The following ATM variants were observed in gnomAD, a reference collection of about 807,000 sequenced individuals.
ATM encodes the protein serine-protein kinase ATM.
Under a neutral mutation model 387.0 loss-of-function variants are expected in ATM, and 308 were observed. The ratio of observed to expected loss-of-function variants is 0.80; its 90% CI spans 0.73 to 0.87. ATM has a LOEUF of 0.87. ATM is among the 40% of genes least tolerant of loss of function. The probability of loss-of-function intolerance (pLI) is 0.00; values close to 1 mark genes in which losing one functional copy is unlikely to be tolerated. For missense variants in ATM, 3,312 were observed against 3,560.9 expected (o/e 0.93, Z 1.78); for synonymous variants, 1,156 against 1,187.3 (o/e 0.97, Z 0.54).
rs567666534 is a variant in ATM, at chr11:108,354,199, A to G, written c.8786+319A>G. ...AAGGAAAAGACCCTGGGTAAAAGCA[A>G]TAATAGTTCCTCTTCCTTCCACCCA... is the stretch of plus-strand genomic sequence containing the variant. On this transcript the variant is annotated intron_variant, in intron 60 of 62. Transcript: ENST00000675843. 7.2e-5 allele frequency among the ~76,000 whole-genome samples: 11 copies of G among 152,244 alleles called. No individual in the cohort carries two copies. The East Asian group carries it at 7.7e-4, about 11-fold the overall frequency.
Position 108,289,795 on chromosome 11 carries a change from A to G in ATM, c.4430A>G (p.Asn1477Ser). The G allele has an allele frequency of 6.2e-7, 1 of 1,612,256 alleles. No homozygotes were observed. Among genetic ancestry groups the G allele is most frequent in the Non-Finnish European group, 8.5e-7 (1 of 1,179,398 alleles). The change falls in exon 29 of 63, where the codon AAC (asparagine) becomes AGC (serine). Residue 1477 changes from asparagine to serine, a missense_variant. Around this residue, in one of 4 missense-constraint regions of ATM, gnomAD observed 1,791 missense variants for 1,804.5 expected, o/e 0.99. Coordinates refer to ENST00000675843, the MANE Select transcript of ATM (RefSeq NM_000051.4). ...ATTTATACTTTGATTCACTATATCAACCAAAGGTAAATAACATATTTAGAC... is the reference window on the plus strand; with the variant it reads ...ATTTATACTTTGATTCACTATATCAGCCAAAGGTAAATAACATATTTAGAC... Reference protein sequence around the residue: ...DVIYTLIHYINQRPSCIMDVS... With the variant: ...DVIYTLIHYISQRPSCIMDVS...
chr11:108,264,115 T>C (rs1197559862), intron 16 of ATM, among the ~76,000 whole-genome samples: 1 of 151,814 alleles, frequency 6.6e-6, no homozygotes, highest in East Asian at 1.9e-4. Context: ...GAGGGAATCC[T>C]CCCTAACTCA....
chr11:108,258,403 A>C (rs2080641799), intron 15 of ATM, among the ~76,000 whole-genome samples: 1 of 152,188 alleles, frequency 6.6e-6, no homozygotes, highest in African/African-American at 2.4e-5. Flanking sequence ...TTTAATAAAA[A>C]TTTTTTGACC....
chr11:108,287,569 T>G (rs2082555310), intron 26 of ATM, 31 bp from the exon 27 acceptor site: 1 of 1,396,974 alleles, frequency 7.2e-7, no homozygotes, highest in East Asian at 2.4e-5. Context: ...ATATAAAATA[T>G]TAAATATATT....
intron 55 of ATM, among the ~76,000 whole-genome samples, chr11:108,335,526 C>G (rs866903935): frequency 1.3e-5 from 2 of 152,158 alleles, no homozygotes; most frequent in Non-Finnish European, 2.9e-5. Context: ...CATTTGCTGA[C>G]GAGCTCTTTG....
chr11:108,357,226 G>A (rs958663268), intron 61 of ATM, among the ~76,000 whole-genome samples: 2 of 151,642 alleles, frequency 1.3e-5, no homozygotes, highest in Non-Finnish European at 2.9e-5. Flanking sequence ...CGAATATTGC[G>A]CTTTTTGGAC....
At chr11:108,292,209 C>G (rs1011013790) in intron 29 of ATM, among the ~76,000 whole-genome samples, 1 of 152,126 alleles carries the variant, frequency 6.6e-6, no homozygotes, top group South Asian at 2.1e-4. Flanking sequence ...TGTCTCACAC[C>G]GAGGATATAG....
chr11:108,266,679 G>A (rs1245470369), intron 16 of ATM, among the ~76,000 whole-genome samples: 6 of 151,838 alleles, frequency 4.0e-5, no homozygotes. Flanking sequence ...ATTTTGTTAT[G>A]TAGACATATT....
Position 108,315,779 on chromosome 11 carries a change from G to A in ATM, c.6007-44G>A, listed in dbSNP as rs185700860. On this transcript the variant is annotated intron_variant, in intron 40 of 62. Coordinates refer to ENST00000675843, the MANE Select transcript of ATM (RefSeq NM_000051.4). ...TTAAAATTTGCTAAATTTATAGACCGATTTTTTTTCCTTCTTCAATTTTTG... is the reference window on the plus strand; with the variant it reads ...TTAAAATTTGCTAAATTTATAGACCAATTTTTTTTCCTTCTTCAATTTTTG... The A allele has an allele frequency of 5.6e-4, 839 of 1,508,250 alleles. 4 individuals are homozygous for A. In the African/African-American group the frequency reaches 0.01, roughly 18 times the overall value. 93.4% of individuals were successfully genotyped at this position (1,508,250 alleles called of 1,614,324 possible). A position where few individuals can be genotyped will look rare whatever the true frequency, so the allele number is the denominator to read the frequency against.
intron 29 of ATM, chr11:108,290,746 C>T (rs996860468): frequency 6.8e-6 from 1 of 146,442 alleles, no homozygotes; most frequent in Non-Finnish European, 1.5e-5. Flanking sequence ...GGCTTGAGCT[C>T]AAGAGTTTGA....
rs587780626 is a variant in ATM at position 108,297,388 on chromosome 11, CTA to C, written c.5005+7_5005+8del. 2.1e-4 allele frequency: 330 copies of C among 1,608,170 alleles called. 4 individuals carry two copies. In the Middle Eastern group the frequency reaches 2.1e-3, roughly 10 times the overall value. Reference sequence around the variant, plus strand: ...TGGTGAAAAAGAAGTTCTAGGTAAACTACAGTCATGCGCTGCGTGACATTTCA... The same window carrying C: ...TGGTGAAAAAGAAGTTCTAGGTAAACCAGTCATGCGCTGCGTGACATTTCA... On this transcript the variant is annotated splice_region_variant and intron_variant, in intron 33 of 62. Coordinates refer to ENST00000675843, the MANE Select transcript of ATM (RefSeq NM_000051.4).
intron 26 of ATM, among the ~76,000 whole-genome samples, chr11:108,286,067 A>G (rs980403633): frequency 1.3e-5 from 2 of 152,076 alleles, no homozygotes; most frequent in Non-Finnish European, 2.9e-5. Flanking sequence ...TGCGGTGGCT[A>G]ACGCCTGTAA....
Position 108,252,808 on chromosome 11 carries a change from T to C in ATM, c.1803-9T>C, listed in dbSNP as rs2135352230. The C allele has an allele frequency of 6.3e-7, 1 of 1,588,056 alleles. No individual in the cohort carries two copies. Among genetic ancestry groups the C allele is most frequent in the Non-Finnish European group, 8.6e-7 (1 of 1,157,244 alleles). Reference sequence around the variant, plus strand: ...TCTTCTAAGTGAAGCTTTTTGTTTTTCTTTGTAGTAATTTTCCTCATCTTG... The same window carrying C: ...TCTTCTAAGTGAAGCTTTTTGTTTTCCTTTGTAGTAATTTTCCTCATCTTG... On this transcript the variant is annotated splice_polypyrimidine_tract_variant and intron_variant, in intron 11 of 62. Coordinates refer to ENST00000675843, the MANE Select transcript of ATM (RefSeq NM_000051.4).
Position 108,257,482 on chromosome 11 carries a change from C to G in ATM, c.2252C>G (p.Ser751Cys), listed in dbSNP as rs2080573350. ...CATTTTTCCTTCTATTCACAATAGT[C>G]TCTAATGCAATGTGCAGGAGAAAGT... ...YKSELFQKAK[S>C]LMQCAGESIT... The change falls in exon 15 of 63, where the codon TCT becomes TGT. Residue 751 changes from serine to cysteine, a missense_variant and splice_region_variant. This residue lies in a region of ATM where 1,791 missense variants were observed against 1,804.5 expected (regional missense o/e 0.99). Transcript: ENST00000675843. The G allele has an allele frequency of 1.2e-6, 2 of 1,612,586 alleles. No homozygotes were observed. Among genetic ancestry groups the G allele is most frequent in the East Asian group, 4.5e-5 (2 of 44,854 alleles).
intron 16 of ATM, among the ~76,000 whole-genome samples, chr11:108,262,339 A>G (rs947275580): frequency 3.3e-5 from 5 of 151,738 alleles, no homozygotes; most frequent in Admixed American, 2.0e-4. Flanking sequence ...CAACATTCTT[A>G]AAGAAAAGAA....
At position 108,345,885 on chromosome 11, in the gene ATM, G is replaced by T. The variant is rs1060501605; in HGVS notation, c.8561G>T (p.Arg2854Leu). Residue 2854 changes from arginine (R) to leucine (L), a missense_variant, in exon 58 of 63, where the codon CGC becomes CTC. Physicochemically the swap from Arg to Leu is moderately radical, Grantham distance 102 (BLOSUM62 -2). Around this residue, in one of 4 missense-constraint regions of ATM, gnomAD observed 1,405 missense variants for 1,604.4 expected, o/e 0.88. Coordinates refer to ENST00000675843, the MANE Select transcript of ATM (RefSeq NM_000051.4). ...TTTGAGAAGCGATTGGCTTATACGC[G>T]CAGTGTAGCTACTTCTTCTATTGGT... ...IWFEKRLAYT[R>L]SVATSSIVGY... is the part of the protein sequence containing the mutation. 1.9e-6 allele frequency: 3 copies of T among 1,613,546 alleles called. No individual in the cohort carries two copies. The highest frequency in any genetic ancestry group is 3.3e-5 in the Admixed American group (2 of 59,972).
intron 44 of ATM, among the ~76,000 whole-genome samples, chr11:108,320,764 C>T (rs1394621583): frequency 1.3e-5 from 2 of 152,160 alleles, no homozygotes; most frequent in Non-Finnish European, 2.9e-5. Context: ...GCCCCTCCTC[C>T]TCACACATTT....
At position 108,251,088 on chromosome 11, in the gene ATM, A is replaced by G. The variant is rs1057522219; in HGVS notation, c.1607+16A>G. ...GACCTTCATGGTAAGTTCAGCATGCATTATGTCTGACTTACAGATAAACAC... is the reference window on the plus strand; with the variant it reads ...GACCTTCATGGTAAGTTCAGCATGCGTTATGTCTGACTTACAGATAAACAC... On this transcript the variant is annotated intron_variant, in intron 10 of 62. Transcript: ENST00000675843. 21 of 1,613,674 alleles carry G rather than the reference A, an allele frequency of 1.3e-5. No individual in the cohort carries two copies. Among genetic ancestry groups the G allele is most frequent in the Non-Finnish European group, 1.8e-5 (21 of 1,180,000 alleles).
Position 108,226,492 on chromosome 11 carries a change from A to G in ATM, c.-30-1103A>G, listed in dbSNP as rs567366469. On this transcript the variant is annotated intron_variant, in intron 1 of 62. Coordinates refer to ENST00000675843, the MANE Select transcript of ATM (RefSeq NM_000051.4). ...AGTTGATCCTTGATATTTGCAAAGG[A>G]TACCACCATAGCATAGAATTTGCTT... 5 of 152,360 alleles carry G rather than the reference A, an allele frequency of 3.3e-5. No individual in the cohort carries two copies. In the South Asian group the frequency reaches 1.0e-3, roughly 32 times the overall value. The allele number at this position is 152,360 out of a possible 1,614,324, so 9.4% of individuals were successfully genotyped here. A position where few individuals can be genotyped will look rare whatever the true frequency, so the allele number is the denominator to read the frequency against.
Sources: allele counts gnomAD v4.1 joint callset (sites outside exome capture counted in the v4.1 genomes callset), GRCh38; gene constraint gnomAD v4.1.1; regional missense constraint gnomAD v4.1.1; transcripts MANE v1.5; gene names NCBI Gene and HGNC (gene_info 2026-07-23, HGNC 2026-07-21).